Variants in HUWE1 observed in about 807,000 individuals in gnomAD.
The protein encoded by HUWE1 is HECT, UBA and WWE domain containing E3 ubiquitin protein ligase 1.
HUWE1 carries 18 observed loss-of-function variants against 299.4 expected under a neutral mutation model. The observed-to-expected ratio is 0.06, with a 90% CI of 0.04 to 0.09. HUWE1 has a LOEUF of 0.09. Among genes scored for constraint, HUWE1 ranks in the 10% least tolerant of loss-of-function variants. HUWE1 has a pLI of 1.00. For missense variants in HUWE1, 1,832 were observed against 3,462.3 expected (o/e 0.53, Z 11.82); for synonymous variants, 1,317 against 1,286.1 (o/e 1.02, Z -0.51).
At chrX:53,624,808 C>T in intron 18 of HUWE1, 133 bp from the exon 19 acceptor site, 1 of 509,235 alleles carries the variant, frequency 2.0e-6, no homozygotes, top group Admixed American at 2.9e-5. Context: ...ATCTAATGGC[C>T]CCCAGTTGTC....
intron 4 of HUWE1, 74 bp from the exon 5 acceptor site, chrX:53,648,384 AC>A (rs1484676893): frequency 1.7e-6 from 1 of 598,297 alleles, no homozygotes; most frequent in Non-Finnish European, 2.8e-6. Context: ...CAGAAAAGGA[AC>A]CCTTAAGCTC....
intron 3 of HUWE1, among the ~76,000 whole-genome samples, chrX:53,668,208 C>A (rs1435385563): frequency 9.1e-6 from 1 of 110,298 alleles, no homozygotes; most frequent in African/African-American, 3.3e-5. Flanking sequence ...CTTTGGGAGG[C>A]TGAGGTGGGT....
At chrX:53,638,850 A>G (rs934856386) in intron 7 of HUWE1, among the ~76,000 whole-genome samples, 1 of 112,048 alleles carries the variant, frequency 8.9e-6, no homozygotes, top group African/African-American at 3.2e-5. Context: ...CTGATTCAAC[A>G]AGTCTTTCTG....
chrX:53,581,134 A>G (rs2063593202), intron 42 of HUWE1, 108 bp from the exon 43 acceptor site: 2 of 693,460 alleles, frequency 2.9e-6, no homozygotes, highest in Non-Finnish European at 4.3e-6. Context: ...GGAGAATGAC[A>G]TTTTATTTTT....
intron 3 of HUWE1, among the ~76,000 whole-genome samples, chrX:53,675,641 A>G (rs1480793893): frequency 8.9e-6 from 1 of 111,750 alleles, no homozygotes; most frequent in Non-Finnish European, 1.9e-5. Flanking sequence ...AAAAGAAAAA[A>G]AAAGATATAT....
chrX:53,666,427 G>A (rs192310942), intron 3 of HUWE1, among the ~76,000 whole-genome samples: 34 of 111,400 alleles, frequency 3.1e-4, no homozygotes, highest in Non-Finnish European at 5.8e-4. Flanking sequence ...CAGTTACATG[G>A]GTGTTCATTA....
chrX:53,545,414 G>C (rs2061503193), intron 70 of HUWE1, among the ~76,000 whole-genome samples: 1 of 111,617 alleles, frequency 9.0e-6, no homozygotes, highest in Admixed American at 9.5e-5. Context: ...AAGAGAAACA[G>C]TATCTCCTCT....
intron 40 of HUWE1, 101 bp downstream of exon 40, chrX:53,584,911 A>G: frequency 1.1e-6 from 1 of 927,495 alleles, no homozygotes; most frequent in Non-Finnish European, 1.6e-6. Context: ...ACAACGACAA[A>G]AAAACCTCAA....
At chrX:53,555,766 T>C (rs782047343) in intron 60 of HUWE1, among the ~76,000 whole-genome samples, 88 of 108,363 alleles carry the variant, frequency 8.1e-4, no homozygotes, top group Non-Finnish European at 1.4e-3. Flanking sequence ...CTCAGCCTCC[T>C]GAGTAGCTGG....
At position 53,645,350 on chromosome X, in the gene HUWE1, C is replaced by T; in HGVS notation, c.465G>A (p.Lys155=). ...SNYITRLGSD[K]RTPLLTRLQH... ...GTAGCCGAGTTAGCAGCGGGGTCCT[C>T]TTGTCAGATCCCAGACGAGTGATGT... The change falls in exon 7 of 84, where the codon AAG becomes AAA. Residue 155 remains lysine, a synonymous_variant. Coordinates refer to ENST00000262854, the MANE Select transcript of HUWE1 (RefSeq NM_031407.7). 1 of 1,211,202 alleles carries T rather than the reference C, an allele frequency of 8.3e-7. No homozygotes were observed. The highest frequency in any genetic ancestry group is 1.1e-6 in the Non-Finnish European group (1 of 895,343).
In HUWE1 at chrX:53,584,593, G is replaced by C. The variant is rs782209042; in HGVS notation, c.5002-248C>G. Among the ~76,000 whole-genome samples, 5 of 111,302 alleles carry C rather than the reference G, an allele frequency of 4.5e-5. No homozygotes were observed. In the South Asian group the frequency reaches 1.9e-3, roughly 42 times the overall value. ...CATCCCTAACCACTCCCTAGCCCTT[G>C]ACTAAACACTTAAAATCATTTCTAA... On this transcript the variant is annotated intron_variant, in intron 40 of 83. Coordinates refer to ENST00000262854, the MANE Select transcript of HUWE1 (RefSeq NM_031407.7).
At chrX:53,573,678 G>C in intron 47 of HUWE1, 72 bp downstream of exon 47, 1 of 883,074 alleles carries the variant, frequency 1.1e-6, no homozygotes, top group Non-Finnish European at 1.7e-6. Flanking sequence ...CTTCCCAGCA[G>C]TGTCTGACAC....
At chrX:53,538,289 TG>T in intron 77 of HUWE1, 47 bp downstream of exon 77, 1 of 871,148 alleles carries the variant, frequency 1.1e-6, no homozygotes, top group Non-Finnish European at 1.7e-6. Flanking sequence ...AGTTACCATT[TG>T]GGGAGTTCTC....
At chrX:53,562,323 G>A (rs1307421371) in intron 53 of HUWE1, 79 bp from the exon 54 acceptor site, 1 of 1,125,573 alleles carries the variant, frequency 8.9e-7, no homozygotes, top group African/African-American at 1.8e-5. Context: ...CAGGCTGAGT[G>A]GGAAGGTGAT....
chrX:53,625,130 C>CA (rs1159163890), intron 18 of HUWE1, 27 bp downstream of exon 18: 4 of 989,189 alleles, frequency 4.0e-6, no homozygotes, highest in Non-Finnish European at 5.8e-6. Context: ...AAATATCCTC[C>CA]AAAAAAAGTT....
intron 74 of HUWE1, among the ~76,000 whole-genome samples, chrX:53,540,233 C>T (rs1209299996): frequency 8.9e-6 from 1 of 112,026 alleles, no homozygotes; most frequent in Non-Finnish European, 1.9e-5. Context: ...ATTCTGACAG[C>T]TGGCCTTGGA....
rs1461923478 is a variant in HUWE1 at position 53,589,828 on chromosome X, G to T, written c.4192-12C>A. On this transcript the variant is annotated splice_polypyrimidine_tract_variant and intron_variant, in intron 35 of 83. Coordinates refer to ENST00000262854, the MANE Select transcript of HUWE1 (RefSeq NM_031407.7). ...CGGCAAGCAACTTCCTGGAAGCAGG[G>T]AAGGAAGTGTGAATAATACACAGGA... 3.3e-6 allele frequency: 4 copies of T among 1,199,029 alleles called. No homozygotes were observed. The highest frequency in any genetic ancestry group is 4.5e-6 in the Non-Finnish European group (4 of 887,567).
rs1478606307 is a variant in HUWE1 at position 53,583,911 on chromosome X, G to C, written c.5167C>G (p.Pro1723Ala). 5 of 1,182,327 alleles carry C rather than the reference G, an allele frequency of 4.2e-6. No individual in the cohort carries two copies. The highest frequency in any genetic ancestry group is 4.6e-6 in the Non-Finnish European group (4 of 869,270). ...KRKENKGNDT[P>A]LALESTNTEK... is the part of the protein sequence containing the mutation. ...GTGTTTGTACTCTCTAGGGCCAAAG[G>C]GGTATCTATAAAATGGGAAAATAAC... Residue 1723 changes from proline (P) to alanine (A), a missense_variant, in exon 42 of 84, where the codon CCT becomes GCT. Pro to Ala is a conservative substitution (Grantham distance 27). Transcript: ENST00000262854.
At position 53,550,757 on chromosome X, in the gene HUWE1, G is replaced by A; in HGVS notation, c.9397C>T (p.Arg3133Cys). Residue 3133 changes from arginine to cysteine, a missense_variant, in exon 66 of 84, where the codon CGC becomes TGC. By Grantham distance (180) the Arg-to-Cys change is radical. Around this residue, in one of 15 missense-constraint regions of HUWE1, gnomAD observed 91 missense variants for 281.2 expected, o/e 0.32. Transcript: ENST00000262854. The stretch of plus-strand genomic sequence containing the variant: ...TGGACCCCACGGTTGCCACTTAAGC[G>A]ACTGGTGAAAGCTGGAAGGAAAGAA... ...AILRSPAFTS[R>C]LSGNRGVQYT... 8.3e-7 allele frequency: 1 copy of A among 1,211,257 alleles called. No homozygotes were observed. The highest frequency in any genetic ancestry group is 1.1e-6 in the Non-Finnish European group (1 of 895,012).
Sources: allele counts gnomAD v4.1 joint callset (sites outside exome capture counted in the v4.1 genomes callset), GRCh38; gene constraint gnomAD v4.1.1; regional missense constraint gnomAD v4.1.1; transcripts MANE v1.5; gene names NCBI Gene and HGNC (gene_info 2026-07-23, HGNC 2026-07-21).